Variants in SH3GL3 observed in about 807,000 individuals in gnomAD.
The protein encoded by SH3GL3 is SH3 domain containing GRB2 like 3, endophilin A3.
A neutral mutation model predicts 47.7 loss-of-function variants in SH3GL3; 33 were observed. The ratio of observed to expected loss-of-function variants is 0.69; its 90% confidence interval spans 0.52 to 0.92. SH3GL3 has a LOEUF of 0.92. SH3GL3 is among the 40% of genes least tolerant of loss of function. SH3GL3 has a pLI of 0.00. For synonymous variants in SH3GL3, 155 were observed against 148.8 expected, an observed-to-expected ratio of 1.04 and a Z score of -0.30; for missense variants, 363 against 417.8, an observed-to-expected ratio of 0.87 and a Z score of 1.14.
chr15:83,604,632 A>G (rs2060469431), intron 8 of SH3GL3, among the ~76,000 whole-genome samples: 1 of 152,180 alleles, frequency 6.6e-6, no homozygotes, highest in Admixed American at 6.5e-5. Flanking sequence ...TAATAAGATA[A>G]TGACAATAGC....
intron 1 of SH3GL3, among the ~76,000 whole-genome samples, chr15:83,521,241 T>G (rs948988355): frequency 6.6e-6 from 1 of 152,236 alleles, no homozygotes; most frequent in Non-Finnish European, 1.5e-5. Flanking sequence ...GGAGATTTTC[T>G]TTCATTAGCC....
intron 1 of SH3GL3, among the ~76,000 whole-genome samples, chr15:83,549,276 C>T (rs548914681): frequency 1.3e-5 from 2 of 152,290 alleles, no homozygotes; most frequent in South Asian, 4.1e-4. Flanking sequence ...GGTTCAGTAT[C>T]CTGGTATGCC....
At chr15:83,510,068 G>A (rs935933212) in intron 1 of SH3GL3, among the ~76,000 whole-genome samples, 1 of 144,882 alleles carries the variant, frequency 6.9e-6, no homozygotes, top group Non-Finnish European at 1.5e-5. Context: ...ACAGAAGAGA[G>A]TGTCATGGAA....
rs200823232 is a variant in SH3GL3 at position 83,568,633 on chromosome 15, C to T, written c.292C>T (p.Leu98=). 2.5e-6 allele frequency: 4 copies of T among 1,613,784 alleles called. No homozygotes were observed. The South Asian group carries it at 3.3e-5, about 13-fold the overall frequency. Residue 98 remains leucine (L), a synonymous_variant, in exon 4 of 9, where the codon CTG becomes TTG. Transcript: ENST00000427482. ...QTEGLLGDCM[L]KYGKELGEDS... ...GGAAGGCTTGCTGGGGGACTGTATG[C>T]TGAAATACGGGAAGGAGCTCGGGGA...
intron 6 of SH3GL3, among the ~76,000 whole-genome samples, chr15:83,586,678 A>T (rs1256417318): frequency 6.6e-6 from 1 of 152,242 alleles, no homozygotes; most frequent in Admixed American, 6.5e-5. Context: ...TTTCAGATCC[A>T]TGAGCTTTAT....
At position 83,500,473 on chromosome 15, in the gene SH3GL3, G is replaced by A. The variant is rs142601391; in HGVS notation, c.45+52895G>A. On this transcript the variant is annotated intron_variant, in intron 1 of 8. Transcript: ENST00000427482. ...AGCCCTGGACCAATGTGGCCTTCAG[G>A]CCCCACATGCTGAGCCCTATCAAGT... Among the ~76,000 whole-genome samples the A allele has an allele frequency of 1.4e-3, 206 of 152,274 alleles. 1 individual carries two copies. Among genetic ancestry groups the A allele is most frequent in the South Asian group, 3.5e-3 (17 of 4,826 alleles).
chr15:83,593,022 A>G (rs915488355), intron 8 of SH3GL3, among the ~76,000 whole-genome samples: 3 of 152,260 alleles, frequency 2.0e-5, no homozygotes, highest in African/African-American at 7.2e-5. Flanking sequence ...GAGCACAGAA[A>G]TAATATTCAC....
intron 8 of SH3GL3, among the ~76,000 whole-genome samples, chr15:83,617,587 A>C (rs1179371805): frequency 1.3e-5 from 2 of 152,112 alleles, no homozygotes; most frequent in Non-Finnish European, 2.9e-5. Flanking sequence ...GAGGCACGAA[A>C]ATTTCTTGAA....
chr15:83,574,257 A>G (rs1235007770), intron 5 of SH3GL3, among the ~76,000 whole-genome samples: 1 of 152,136 alleles, frequency 6.6e-6, no homozygotes, highest in Non-Finnish European at 1.5e-5. Context: ...GGGAGAATTC[A>G]GGAAGTTTGA....
intron 6 of SH3GL3, among the ~76,000 whole-genome samples, chr15:83,583,327 G>A (rs1255578529): frequency 6.6e-6 from 1 of 152,168 alleles, no homozygotes; most frequent in African/African-American, 2.4e-5. Flanking sequence ...GATTGCTAAA[G>A]GGTCAGAGGA....
chr15:83,587,020 C>T lies in SH3GL3; in HGVS notation c.662C>T (p.Ala221Val). ...QVSQLAVFIE[A>V]ALDYHRQSTE... is the part of the protein sequence containing the mutation. ...AGCCAGTTGGCTGTGTTCATAGAGG[C>T]AGCATTAGACTATCACAGACAGTCC... is the stretch of plus-strand genomic sequence containing the variant. Residue 221 changes from alanine (A) to valine (V), a missense_variant, in exon 7 of 9, where the codon GCA (alanine) becomes GTA (valine). By Grantham distance (64) the Ala-to-Val change is moderately conservative. Coordinates refer to ENST00000427482, the MANE Select transcript of SH3GL3 (RefSeq NM_003027.5). 6.2e-7 allele frequency: 1 copy of T among 1,610,494 alleles called. No individual in the cohort carries two copies. The highest frequency in any genetic ancestry group is 8.5e-7 in the Non-Finnish European group (1 of 1,178,454).
chr15:83,464,279 G>T (rs569700078), intron 1 of SH3GL3, among the ~76,000 whole-genome samples: 1 of 152,244 alleles, frequency 6.6e-6, no homozygotes, highest in South Asian at 2.1e-4. Context: ...ATCACTAGCT[G>T]TTCCTTCAGG....
At chr15:83,578,760 C>T (rs78843526) in intron 6 of SH3GL3, among the ~76,000 whole-genome samples, 1 of 151,876 alleles carries the variant, frequency 6.6e-6, no homozygotes, top group Non-Finnish European at 1.5e-5. Flanking sequence ...GAAATTGTCC[C>T]CAAGCAACAG....
chr15:83,545,769 C>T (rs183142513), intron 1 of SH3GL3, among the ~76,000 whole-genome samples: 1 of 152,314 alleles, frequency 6.6e-6, no homozygotes, highest in Non-Finnish European at 1.5e-5. Context: ...AACTCTGAGT[C>T]TTGCAGTCTT....
rs146830948 is a variant in SH3GL3 at position 83,449,931 on chromosome 15, A to G, written c.45+2353A>G. ...GGTTTAATATAATATGAGGGAGCTC[A>G]ATAATAAAAAATGCCAGATGTTTTT... On this transcript the variant is annotated intron_variant, in intron 1 of 8. Coordinates refer to ENST00000427482, the MANE Select transcript of SH3GL3 (RefSeq NM_003027.5). 7.9e-4 allele frequency among the ~76,000 whole-genome samples: 121 copies of G among 152,346 alleles called. 1 individual carries two copies. Among genetic ancestry groups the G allele is most frequent in the African/African-American group, 2.8e-3 (116 of 41,576 alleles).
chr15:83,620,922 T>A (rs953986419), downstream of SH3GL3, among the ~76,000 whole-genome samples: 2 of 152,226 alleles, frequency 1.3e-5, no homozygotes, highest in African/African-American at 2.4e-5. Context: ...TAGCTAGATC[T>A]TCTGGATAAC....
intron 6 of SH3GL3, among the ~76,000 whole-genome samples, chr15:83,586,567 T>C (rs1398624749): frequency 6.6e-6 from 1 of 152,208 alleles, no homozygotes; most frequent in African/African-American, 2.4e-5. Context: ...TGTCTTGATT[T>C]GGCTTAGCTA....
At chr15:83,476,902 G>A (rs944896885) in intron 1 of SH3GL3, among the ~76,000 whole-genome samples, 4 of 152,322 alleles carry the variant, frequency 2.6e-5, no homozygotes, top group East Asian at 3.9e-4. Context: ...CACTAGAAGC[G>A]TTTTGTCTGA....
chr15:83,482,633 A>G (rs193215100), intron 1 of SH3GL3, among the ~76,000 whole-genome samples: 1 of 151,998 alleles, frequency 6.6e-6, no homozygotes, highest in Admixed American at 6.5e-5. Flanking sequence ...AGCTGGGATT[A>G]CAGGCGCGCA....
Sources: gnomAD v4.1 joint callset for allele counts (sites outside exome capture counted in the v4.1 genomes callset) on GRCh38, gnomAD v4.1.1 for gene constraint, MANE v1.5 for transcripts, NCBI Gene and HGNC (gene_info 2026-07-23, HGNC 2026-07-21) for gene names.